UBXN2B: variants seen among roughly 807,000 people sequenced by gnomAD.
UBXN2B encodes the protein UBX domain-containing protein 2B.
A neutral mutation model predicts 37.5 loss-of-function variants in UBXN2B; 19 were observed. That is an observed-to-expected ratio of 0.51 (90% confidence interval 0.35 to 0.74). UBXN2B has a LOEUF of 0.74. Ranked by LOEUF, UBXN2B falls within the 30% of genes least tolerant of loss-of-function variation. UBXN2B has a pLI of 0.01. For missense variants in UBXN2B, 370 were observed against 393.2 expected, an observed-to-expected ratio of 0.94 and a Z score of 0.50; for synonymous variants, 145 against 143.8, an observed-to-expected ratio of 1.01 and a Z score of -0.06.
chr8:58,429,881 T>A (rs1210726294), intron 2 of UBXN2B, among the ~76,000 whole-genome samples: 1 of 152,236 alleles, frequency 6.6e-6, no homozygotes, highest in Non-Finnish European at 1.5e-5. Context: ...AAGTAGGTTA[T>A]TAATCTTACG....
chr8:58,435,076 A>G, intron 5 of UBXN2B: 5 of 1,436,394 alleles, frequency 3.5e-6, no homozygotes, highest in Non-Finnish European at 4.5e-6. Flanking sequence ...TGCTATGATA[A>G]TAAAAGCTTT....
chr8:58,424,904 C>T (rs1191530027), intron 2 of UBXN2B: 6 of 950,922 alleles, frequency 6.3e-6, no homozygotes, highest in Admixed American at 1.7e-5. Context: ...GTTTTGAGAA[C>T]GTCAATGTTG....
rs895834250 is a variant in UBXN2B, at chr8:58,411,451, G to A, written c.66G>A (p.Pro22=). The A allele has an allele frequency of 3.2e-6, 4 of 1,255,090 alleles. No homozygotes were observed. Among genetic ancestry groups the A allele is most frequent in the African/African-American group, 1.6e-5 (1 of 64,486 alleles). 77.7% of individuals were successfully genotyped at this position (1,255,090 alleles called of 1,614,324 possible). A position where few individuals can be genotyped will look rare whatever the true frequency, so the allele number is the denominator to read the frequency against. The part of the protein sequence containing the change: ...QERRSSGPRP[P]SARDLQLALA... Reference sequence around the variant, plus strand: ...GGAGGTCTTCCGGGCCGCGGCCTCCGAGCGCGCGGGATTTGCAGGTGAGGC... The same window carrying A: ...GGAGGTCTTCCGGGCCGCGGCCTCCAAGCGCGCGGGATTTGCAGGTGAGGC... Residue 22 remains proline, a synonymous_variant, in exon 1 of 8, where the codon CCG becomes CCA. Transcript: ENST00000399598.
intron 2 of UBXN2B, among the ~76,000 whole-genome samples, chr8:58,419,696 A>G (rs985197782): frequency 6.6e-6 from 1 of 152,254 alleles, no homozygotes; most frequent in African/African-American, 2.4e-5. Context: ...TAGGAGTTAG[A>G]TAAGCACAGA....
chr8:58,413,097 G>A (rs927178351), intron 1 of UBXN2B, among the ~76,000 whole-genome samples: 1 of 152,150 alleles, frequency 6.6e-6, no homozygotes, highest in African/African-American at 2.4e-5. Context: ...ATCAAAGTAC[G>A]ATTAATGTTT....
intron 2 of UBXN2B, among the ~76,000 whole-genome samples, chr8:58,419,323 A>G (rs940390839): frequency 3.0e-4 from 46 of 152,344 alleles, no homozygotes; most frequent in African/African-American, 1.1e-3. Context: ...TGTTTGGTAC[A>G]GAAAACAGTG....
intron 6 of UBXN2B, 141 bp downstream of exon 6, chr8:58,439,911 CATA>C (rs1388027195): frequency 2.7e-5 from 17 of 636,180 alleles, no homozygotes; most frequent in African/African-American, 2.6e-4. Flanking sequence ...AATATTATAT[CATA>C]ATATTATATC....
chr8:58,443,926 T>C (rs187514659), intron 6 of UBXN2B, among the ~76,000 whole-genome samples: 1 of 152,358 alleles, frequency 6.6e-6, no homozygotes, highest in East Asian at 1.9e-4. Context: ...TCTTTTAGTC[T>C]CTCTGTGACT....
chr8:58,423,628 G>A (rs374083112), intron 2 of UBXN2B, among the ~76,000 whole-genome samples: 1 of 151,692 alleles, frequency 6.6e-6, no homozygotes, highest in Non-Finnish European at 1.5e-5. Flanking sequence ...GTAGAGATGG[G>A]GTTTCACCGT....
At chr8:58,434,970 G>A (rs1332092490) in intron 5 of UBXN2B, 1 of 1,534,954 alleles carries the variant, frequency 6.5e-7, no homozygotes. Context: ...GTTATAATTT[G>A]TGAAAGTAAA....
chr8:58,441,724 T>G (rs1563467400), intron 6 of UBXN2B, among the ~76,000 whole-genome samples: 1 of 152,146 alleles, frequency 6.6e-6, no homozygotes. Flanking sequence ...GTCATTTTCC[T>G]TATAAGGCAA....
At chr8:58,422,964 A>C (rs1807966484) in intron 2 of UBXN2B, among the ~76,000 whole-genome samples, 1 of 152,192 alleles carries the variant, frequency 6.6e-6, no homozygotes, top group Non-Finnish European at 1.5e-5. Context: ...CTGTTAGACT[A>C]GTGGCCTCCC....
At chr8:58,430,471 TTA>T (rs778101073) in intron 2 of UBXN2B, 46 bp from the exon 3 acceptor site, 2 of 1,353,534 alleles carry the variant, frequency 1.5e-6, no homozygotes, top group African/African-American at 1.5e-5. Context: ...TTACTTCAGT[TTA>T]TGTCTGTTAT....
At chr8:58,439,915 ATAT>A (rs541853981) in intron 6 of UBXN2B, 145 bp downstream of exon 6, 68 of 631,162 alleles carry the variant, frequency 1.1e-4, no homozygotes, top group Middle Eastern at 8.8e-4. Context: ...TTATATCATA[ATAT>A]TATATCATGT....
chr8:58,432,111 T>C (rs1808294074), intron 3 of UBXN2B, among the ~76,000 whole-genome samples: 1 of 152,162 alleles, frequency 6.6e-6, no homozygotes, highest in Admixed American at 6.5e-5. Flanking sequence ...ATTTATTCCT[T>C]TTTTTTCTTT....
chr8:58,425,102 GC>G, intron 2 of UBXN2B: 1 of 794,398 alleles, frequency 1.3e-6, no homozygotes, highest in Non-Finnish European at 2.3e-6. Flanking sequence ...CCGTGGTCCG[GC>G]CAGGTCCAAA....
chr8:58,436,503 G>A (rs1474954243), intron 5 of UBXN2B, among the ~76,000 whole-genome samples: 1 of 152,170 alleles, frequency 6.6e-6, no homozygotes, highest in Non-Finnish European at 1.5e-5. Flanking sequence ...CTGAATGACA[G>A]CAGTGCTCAC....
At chr8:58,429,531 C>G (rs1808192908) in intron 2 of UBXN2B, among the ~76,000 whole-genome samples, 1 of 152,194 alleles carries the variant, frequency 6.6e-6, no homozygotes, top group Non-Finnish European at 1.5e-5. Flanking sequence ...TAGGGTTCTC[C>G]TGGTGTCTCC....
intron 2 of UBXN2B, chr8:58,425,649 A>G: frequency 2.6e-6 from 3 of 1,137,970 alleles, no homozygotes; most frequent in Admixed American, 3.4e-5. Flanking sequence ...GTTTGACTTT[A>G]TTGTGGTCTC....
Sources: allele counts gnomAD v4.1 joint callset (sites outside exome capture counted in the v4.1 genomes callset), GRCh38; gene constraint gnomAD v4.1.1; transcripts MANE v1.5; gene names NCBI Gene and HGNC (gene_info 2026-07-23, HGNC 2026-07-21).